GFOD1: variants seen among roughly 807,000 people sequenced by gnomAD.
GFOD1 encodes the protein Gfo/Idh/MocA-like oxidoreductase domain containing 1, also known as glucose-fructose oxidoreductase domain-containing protein 1.
GFOD1 carries 9 observed loss-of-function variants against 25.4 expected under a neutral mutation model. The observed-to-expected ratio is 0.35, with a 90% CI of 0.21 to 0.62. The LOEUF (loss-of-function observed/expected upper bound fraction) is 0.62, where lower values mean the gene tolerates loss of function less well. Among genes scored for constraint, GFOD1 ranks in the 20% least tolerant of loss-of-function variants. The pLI is 0.72. For missense variants in GFOD1, 403 were observed against 556.9 expected (o/e 0.72, Z 2.78); for synonymous variants, 253 against 245.6 (o/e 1.03, Z -0.28).
intron 1 of GFOD1, among the ~76,000 whole-genome samples, chr6:13,435,945 T>C (rs780859298): frequency 6.6e-5 from 10 of 152,214 alleles, no homozygotes; most frequent in Non-Finnish European, 1.3e-4. Flanking sequence ...CTAACTTTAA[T>C]GAACTTTCTC....
intron 1 of GFOD1, among the ~76,000 whole-genome samples, chr6:13,377,738 C>T (rs564093388): frequency 4.6e-5 from 7 of 152,184 alleles, no homozygotes; most frequent in South Asian, 2.1e-4. Flanking sequence ...TCTCCAGCCC[C>T]GTCCACTCAT....
chr6:13,426,852 G>C (rs1786361737), intron 1 of GFOD1, among the ~76,000 whole-genome samples: 2 of 152,222 alleles, frequency 1.3e-5, no homozygotes, highest in African/African-American at 4.8e-5. Flanking sequence ...GGCTGTCAGT[G>C]TCTGTTGGTG....
chr6:13,365,679 G>A lies in GFOD1; in HGVS notation c.254-17C>T, dbSNP rs1156552476. 1 of 1,568,020 alleles carries A rather than the reference G, an allele frequency of 6.4e-7. No homozygotes were observed. The highest frequency in any genetic ancestry group is 1.1e-5 in the South Asian group (1 of 90,020). On this transcript the variant is annotated splice_polypyrimidine_tract_variant and intron_variant, in intron 1 of 1. Coordinates refer to ENST00000379287, the MANE Select transcript of GFOD1 (RefSeq NM_018988.4). The surrounding 1 kb of genome is among the most constrained non-coding windows in gnomAD (Gnocchi z 9.2). Reference sequence around the variant, plus strand: ...TGCCGATGCCTGCGGGTGGGAGGAAGACAGCGGTCAGCGGGGCAGGACCAT... The same window carrying A: ...TGCCGATGCCTGCGGGTGGGAGGAAAACAGCGGTCAGCGGGGCAGGACCAT...
At chr6:13,433,075 G>A (rs1757778283) in intron 1 of GFOD1, among the ~76,000 whole-genome samples, 1 of 151,690 alleles carries the variant, frequency 6.6e-6, no homozygotes, top group Non-Finnish European at 1.5e-5. Flanking sequence ...GCCTAATTTA[G>A]GGTTTCTCAA....
chr6:13,382,627 T>A (rs1360338218), intron 1 of GFOD1, among the ~76,000 whole-genome samples: 1 of 152,208 alleles, frequency 6.6e-6, no homozygotes, highest in Non-Finnish European at 1.5e-5. Context: ...AATTGTGGAT[T>A]TTCATGTAAC....
intron 1 of GFOD1, among the ~76,000 whole-genome samples, chr6:13,399,605 C>G (rs78727617): frequency 6.6e-6 from 1 of 152,052 alleles, no homozygotes; most frequent in African/African-American, 2.4e-5. Flanking sequence ...AACCGGTATG[C>G]GGAGTGAAAA....
chr6:13,482,094 A>T (rs1260766304), intron 1 of GFOD1, among the ~76,000 whole-genome samples: 1 of 149,138 alleles, frequency 6.7e-6, no homozygotes, highest in Non-Finnish European at 1.5e-5. Context: ...TGTATATATT[A>T]TATGTTATAT....
chr6:13,432,983 A>G (rs1428965474), intron 1 of GFOD1, among the ~76,000 whole-genome samples: 1 of 152,232 alleles, frequency 6.6e-6, no homozygotes, highest in Non-Finnish European at 1.5e-5. Context: ...CACTGGTCAC[A>G]TGTACAAGTT....
At chr6:13,451,517 G>A (rs928654224) in intron 1 of GFOD1, among the ~76,000 whole-genome samples, 3 of 152,190 alleles carry the variant, frequency 2.0e-5, no homozygotes, top group African/African-American at 7.2e-5. Flanking sequence ...GAGGTGTCTT[G>A]AGACTTCATC....
chr6:13,393,743 G>A (rs1243698991), intron 1 of GFOD1, among the ~76,000 whole-genome samples: 1 of 149,858 alleles, frequency 6.7e-6, no homozygotes, highest in African/African-American at 2.4e-5. Context: ...CTACAAAATA[G>A]TACATTATTT....
intron 1 of GFOD1, among the ~76,000 whole-genome samples, chr6:13,442,681 T>C (rs1757935679): frequency 6.6e-6 from 1 of 152,246 alleles, no homozygotes. Context: ...ACTCTGCCTG[T>C]GCTCTATACA....
chr6:13,473,263 G>A (rs1047959932), intron 1 of GFOD1, among the ~76,000 whole-genome samples: 11 of 152,142 alleles, frequency 7.2e-5, no homozygotes, highest in Admixed American at 5.2e-4. Flanking sequence ...CACCACCATC[G>A]GATGTAAGCA....
At chr6:13,372,144 A>G (rs1298011735) in intron 1 of GFOD1, among the ~76,000 whole-genome samples, 1 of 152,248 alleles carries the variant, frequency 6.6e-6, no homozygotes, top group Admixed American at 6.5e-5. Flanking sequence ...TGGAGCTGAG[A>G]GATACCTTCC....
At chr6:13,408,926 A>G (rs1476804095) in intron 1 of GFOD1, among the ~76,000 whole-genome samples, 4 of 151,778 alleles carry the variant, frequency 2.6e-5, no homozygotes, top group Non-Finnish European at 5.9e-5. Context: ...TCTCTACTAA[A>G]AATACAAAAT....
intron 1 of GFOD1, among the ~76,000 whole-genome samples, chr6:13,429,702 G>C (rs1169148087): frequency 6.6e-6 from 1 of 152,148 alleles, no homozygotes; most frequent in Non-Finnish European, 1.5e-5. Context: ...TGAGTGGGTT[G>C]GCAAAGAGCA....
Position 13,475,907 on chromosome 6 carries a change from G to C in GFOD1, c.253+10731C>G, listed in dbSNP as rs993362853. Among the ~76,000 whole-genome samples, 139 of 152,178 alleles carry C rather than the reference G, an allele frequency of 9.1e-4. 1 individual carries two copies. The highest frequency in any genetic ancestry group is 3.2e-3 in the African/African-American group (131 of 41,514). On this transcript the variant is annotated intron_variant, in intron 1 of 1. Transcript: ENST00000379287. ...CCACTGCACTCCAGCCTGGGCAATGGAGTGAGACTATCTCAAAAAAAAGAC... is the reference window on the plus strand; with the variant it reads ...CCACTGCACTCCAGCCTGGGCAATGCAGTGAGACTATCTCAAAAAAAAGAC...
intron 1 of GFOD1, among the ~76,000 whole-genome samples, chr6:13,401,726 T>C (rs180883045): frequency 9.8e-5 from 15 of 152,318 alleles, no homozygotes; most frequent in African/African-American, 3.6e-4. Flanking sequence ...GAAAACCTAA[T>C]ATTGATAAGA....
intron 1 of GFOD1, among the ~76,000 whole-genome samples, chr6:13,401,280 C>G (rs1248616178): frequency 2.6e-5 from 4 of 152,168 alleles, no homozygotes; most frequent in Non-Finnish European, 5.9e-5. Flanking sequence ...GTTTGGATCC[C>G]TATTCCAAAA....
chr6:13,389,493 C>T (rs920205204), intron 1 of GFOD1, among the ~76,000 whole-genome samples: 1 of 152,088 alleles, frequency 6.6e-6, no homozygotes, highest in African/African-American at 2.4e-5. Context: ...AACCATCATT[C>T]TCAGCAAACT....
Sources: gnomAD v4.1 joint callset for allele counts (sites outside exome capture counted in the v4.1 genomes callset) on GRCh38, gnomAD v4.1.1 for gene constraint, Gnocchi (gnomAD v3.1) non-coding constraint, MANE v1.5 for transcripts, NCBI Gene and HGNC (gene_info 2026-07-23, HGNC 2026-07-21) for gene names.